Variants in DIP2C observed in about 807,000 individuals in gnomAD.
The protein encoded by DIP2C is DIP2 acetate--CoA ligase C (putative).
A neutral mutation model predicts 192.4 loss-of-function variants in DIP2C; 33 were observed. The ratio of observed to expected loss-of-function variants is 0.17; its 90% CI spans 0.13 to 0.23. The LOEUF is 0.23. DIP2C is among the 10% of genes least tolerant of loss of function. The pLI, the probability that DIP2C is intolerant of heterozygous loss-of-function variation, is 1.00. For synonymous variants in DIP2C, 979 were observed against 864.1 expected (o/e 1.13, Z -2.33); for missense variants, 1,537 against 2,110.1 (o/e 0.73, Z 5.32).
At chr10:683,964 G>A (rs1227844622) in intron 1 of DIP2C, among the ~76,000 whole-genome samples, 1 of 152,246 alleles carries the variant, frequency 6.6e-6, no homozygotes, top group Non-Finnish European at 1.5e-5. Context: ...GTGTGAGGCA[G>A]AACAGAGACG....
At chr10:579,453 CAT>C (rs1353154258) in intron 1 of DIP2C, among the ~76,000 whole-genome samples, 46 of 151,800 alleles carry the variant, frequency 3.0e-4, no homozygotes, top group African/African-American at 8.7e-4. Flanking sequence ...TGTGTACATG[CAT>C]AGAGCGTACA....
At chr10:295,844 TAAA>T (rs200750864) in intron 32 of DIP2C, among the ~76,000 whole-genome samples, 1 of 152,034 alleles carries the variant, frequency 6.6e-6, no homozygotes, top group African/African-American at 2.4e-5. Flanking sequence ...CCATCTCTAC[TAAA>T]AAAATACAAA....
intron 1 of DIP2C, among the ~76,000 whole-genome samples, chr10:594,448 G>C: frequency 6.6e-6 from 1 of 151,392 alleles, no homozygotes; most frequent in South Asian, 2.1e-4. Flanking sequence ...CAACATAAGG[G>C]AACATGGCCG....
At chr10:606,886 G>A (rs929830998) in intron 1 of DIP2C, among the ~76,000 whole-genome samples, 1 of 152,164 alleles carries the variant, frequency 6.6e-6, no homozygotes, top group African/African-American at 2.4e-5. Context: ...GAAGCTGGAG[G>A]CCTGTCATGG....
Position 345,036 on chromosome 10 carries a change from AGCC to A in DIP2C, c.3303_3305del (p.Ala1102del), listed in dbSNP as rs759848276. 6.2e-7 allele frequency: 1 copy of A among 1,613,448 alleles called. No homozygotes were observed. Among genetic ancestry groups the A allele is most frequent in the South Asian group, 1.1e-5 (1 of 90,904 alleles). On this transcript the variant is annotated inframe_deletion, in exon 27 of 37. Coordinates refer to ENST00000280886, the MANE Select transcript of DIP2C (RefSeq NM_014974.3). The stretch of plus-strand genomic sequence containing the variant: ...TGAGGGGCCACGTCCTGACGTCCAC[AGCC>A]GCCGCCGCCTCCCTGGACCGCAGCA...
chr10:359,173 C>T (rs1959197226), intron 22 of DIP2C, among the ~76,000 whole-genome samples: 1 of 152,142 alleles, frequency 6.6e-6, no homozygotes, highest in African/African-American at 2.4e-5. Context: ...CGATGTCCCT[C>T]GGCTTCCCAA....
At chr10:444,838 G>A (rs1968033085) in intron 3 of DIP2C, among the ~76,000 whole-genome samples, 1 of 152,262 alleles carries the variant, frequency 6.6e-6, no homozygotes, top group Admixed American at 6.5e-5. Flanking sequence ...CCAGCTGAGA[G>A]AGATTTACGT....
intron 1 of DIP2C, among the ~76,000 whole-genome samples, chr10:547,545 T>C (rs1848348124): frequency 6.6e-6 from 1 of 152,142 alleles, no homozygotes; most frequent in African/African-American, 2.4e-5. Flanking sequence ...GTTCACATTA[T>C]CCAGGAGGAA....
chr10:482,878 G>C (rs1284150507), intron 2 of DIP2C, among the ~76,000 whole-genome samples: 1 of 152,212 alleles, frequency 6.6e-6, no homozygotes, highest in African/African-American at 2.4e-5. Context: ...TTGAACCGCA[G>C]AAGGGTGAGA....
At chr10:351,185 C>T (rs889512959) in intron 24 of DIP2C, among the ~76,000 whole-genome samples, 7 of 152,154 alleles carry the variant, frequency 4.6e-5, no homozygotes, top group Non-Finnish European at 1.0e-4. Context: ...AAAAGGACGC[C>T]GCACGGACGA....
chr10:321,437 T>C (rs1365533269), intron 31 of DIP2C, among the ~76,000 whole-genome samples: 1 of 152,196 alleles, frequency 6.6e-6, no homozygotes, highest in Non-Finnish European at 1.5e-5. Flanking sequence ...GACAATGTTC[T>C]TTGCTGAGTT....
intron 1 of DIP2C, among the ~76,000 whole-genome samples, chr10:659,403 C>A (rs1588705660): frequency 6.6e-6 from 1 of 152,188 alleles, no homozygotes; most frequent in South Asian, 2.1e-4. Flanking sequence ...CATATATACA[C>A]CCCTCAAAGA....
intron 32 of DIP2C, among the ~76,000 whole-genome samples, chr10:288,631 G>A (rs192974735): frequency 5.4e-4 from 82 of 152,344 alleles, no homozygotes; most frequent in Admixed American, 2.6e-3. Context: ...AGATGAAGCC[G>A]CATCTCTCAA....
chr10:396,209 T>G (rs372572077), intron 10 of DIP2C, among the ~76,000 whole-genome samples: 107 of 152,332 alleles, frequency 7.0e-4, no homozygotes, highest in African/African-American at 2.3e-3. Flanking sequence ...TTTCAAAGCA[T>G]CTTAAATGTG....
At chr10:481,080 C>T (rs113388827) in intron 2 of DIP2C, among the ~76,000 whole-genome samples, 2,110 of 152,142 alleles carry the variant, frequency 0.014, 61 homozygotes, top group African/African-American at 0.048. Context: ...GTCTAGGAAG[C>T]GCTGCCTTGG....
chr10:606,504 G>A (rs1387604914), intron 1 of DIP2C, among the ~76,000 whole-genome samples: 1 of 150,020 alleles, frequency 6.7e-6, no homozygotes, highest in East Asian at 2.0e-4. Context: ...TGGTTGGGAG[G>A]GGATCTCACG....
In DIP2C at chr10:275,977, G is replaced by C. The variant is rs1954494351; in HGVS notation, c.*1348C>G. 6.6e-6 allele frequency: 1 copy of C among 152,260 alleles called. No individual in the cohort carries two copies. Among genetic ancestry groups the C allele is most frequent in the African/African-American group, 2.4e-5 (1 of 41,464 alleles). 9.4% of individuals were successfully genotyped at this position (152,260 alleles called of 1,614,324 possible). On this transcript the variant is annotated 3_prime_UTR_variant, in exon 37 of 37. Coordinates refer to ENST00000280886, the MANE Select transcript of DIP2C (RefSeq NM_014974.3). ...AAGACGAGGGGACGATCACCGATGT[G>C]AGTTCCGGACACTTTGTCCACTCCA...
intron 1 of DIP2C, among the ~76,000 whole-genome samples, chr10:633,073 G>A (rs918183349): frequency 2.6e-5 from 4 of 152,262 alleles, no homozygotes; most frequent in Non-Finnish European, 5.9e-5. Flanking sequence ...ATTCTGGAAG[G>A]AACTGAGGAG....
At chr10:357,755 G>T (rs1212695856) in intron 23 of DIP2C, 73 bp downstream of exon 23, 6 of 1,144,812 alleles carry the variant, frequency 5.2e-6, no homozygotes, top group African/African-American at 4.6e-5. Context: ...TACTGTCGGG[G>T]ATGGTCGCAG....
Sources: gnomAD v4.1 joint callset for allele counts (sites outside exome capture counted in the v4.1 genomes callset) on GRCh38, gnomAD v4.1.1 for gene constraint, MANE v1.5 for transcripts, NCBI Gene and HGNC (gene_info 2026-07-23, HGNC 2026-07-21) for gene names.